Variants in MXRA5 observed in about 807,000 individuals in gnomAD.
The protein encoded by MXRA5 is matrix-remodeling-associated protein 5.
A neutral mutation model predicts 112.5 loss-of-function variants in MXRA5; 41 were observed. The observed-to-expected ratio is 0.36, with a 90% CI of 0.28 to 0.47. The LOEUF (loss-of-function observed/expected upper bound fraction) is 0.47, where lower values mean the gene tolerates loss of function less well. Ranked by LOEUF, MXRA5 falls within the 20% of genes least tolerant of loss-of-function variation. The pLI is 0.99. For missense variants in MXRA5, 2,150 were observed against 2,251.0 expected, an observed-to-expected ratio of 0.96 and a Z score of 0.91; for synonymous variants, 862 against 900.8, an observed-to-expected ratio of 0.96 and a Z score of 0.77.
chrX:3,314,491 T>C (rs778714081), intron 6 of MXRA5, among the ~76,000 whole-genome samples: 1 of 111,763 alleles, frequency 8.9e-6, no homozygotes, highest in East Asian at 2.8e-4. Flanking sequence ...GATAGACAGA[T>C]AGATACGGAT....
chrX:3,341,100 C>T (rs1341515719), intron 2 of MXRA5, among the ~76,000 whole-genome samples: 2,456 of 12,717 alleles, frequency 0.19, no homozygotes, highest in Non-Finnish European at 0.34. Flanking sequence ...ATATGTTATA[C>T]ATAATATAAT....
intron 6 of MXRA5, among the ~76,000 whole-genome samples, chrX:3,316,177 G>T (rs1166750500): frequency 2.2e-5 from 2 of 91,099 alleles, no homozygotes; most frequent in African/African-American, 9.0e-5. Flanking sequence ...AGCCAGGCGT[G>T]GTGGCGGGCG....
chrX:3,322,015 G>C lies in MXRA5; in HGVS notation c.3670C>G (p.Pro1224Ala), dbSNP rs1237721434. Residue 1224 changes from proline to alanine, a missense_variant, in exon 5 of 7, where the codon CCC becomes GCC. Pro to Ala is a conservative substitution (Grantham distance 27). Coordinates refer to ENST00000217939, the MANE Select transcript of MXRA5 (RefSeq NM_015419.4). ...KQLEMEKNAE[P>A]TSKGTPRRKH... ...CTCCGTGGTGTTCCCTTGGATGTGG[G>C]TTCTGCATTCTTCTCCATTTCCAAC... The C allele has an allele frequency of 8.3e-7, 1 of 1,209,504 alleles. No homozygotes were observed. Among genetic ancestry groups the C allele is most frequent in the Non-Finnish European group, 1.1e-6 (1 of 895,158 alleles).
Position 3,322,351 on chromosome X carries a change from G to C in MXRA5, c.3334C>G (p.Pro1112Ala). ...IMSSMSPVKK[P>A]AETTVGTLLD... ...AGGGTACCAACTGTGGTTTCCGCAG[G>C]CTTCTTAACTGGAGACATACTGCTC... The change falls in exon 5 of 7, where the codon CCT becomes GCT. Residue 1112 changes from proline to alanine, a missense_variant. Coordinates refer to ENST00000217939, the MANE Select transcript of MXRA5 (RefSeq NM_015419.4). The C allele has an allele frequency of 8.3e-7, 1 of 1,211,348 alleles. No individual in the cohort carries two copies. Among genetic ancestry groups the C allele is most frequent in the African/African-American group, 1.7e-5 (1 of 57,622 alleles).
chrX:3,339,700 C>T (rs747879266), intron 2 of MXRA5, among the ~76,000 whole-genome samples: 25 of 111,674 alleles, frequency 2.2e-4, no homozygotes, highest in African/African-American at 8.1e-4. Context: ...TCTCAGAACC[C>T]AAGGGTATAC....
chrX:3,326,477 C>G (rs1272677421), intron 4 of MXRA5, among the ~76,000 whole-genome samples: 1 of 101,565 alleles, frequency 9.8e-6, no homozygotes, highest in East Asian at 3.0e-4. Context: ...TATATATAAT[C>G]AATATGTATG....
At position 3,311,525 on chromosome X, in the gene MXRA5, C is replaced by G; in HGVS notation, c.6678G>C (p.Lys2226Asn). The G allele has an allele frequency of 8.3e-7, 1 of 1,211,899 alleles. No individual in the cohort carries two copies. Residue 2226 changes from lysine to asparagine, a missense_variant, in exon 7 of 7, where the codon AAG (lysine) becomes AAC (asparagine). By Grantham distance (94) the Lys-to-Asn change is moderately conservative. Coordinates refer to ENST00000217939, the MANE Select transcript of MXRA5 (RefSeq NM_015419.4). ...AGDYLCVARN[K>N]VGDDYVVLKV... is the part of the protein sequence containing the mutation. Reference sequence around the variant, plus strand: ...TGAGCACCACGTAGTCATCACCAACCTTATTTCGAGCTACGCACAGGTAAT... The same window carrying G: ...TGAGCACCACGTAGTCATCACCAACGTTATTTCGAGCTACGCACAGGTAAT...
chrX:3,319,942 T>C, intron 5 of MXRA5, 66 bp downstream of exon 5: 2 of 851,422 alleles, frequency 2.3e-6, no homozygotes, highest in Non-Finnish European at 3.3e-6. Flanking sequence ...TTTAATGTAT[T>C]ATATTGCTAG....
At position 3,321,471 on chromosome X, in the gene MXRA5, G is replaced by A; in HGVS notation, c.4214C>T (p.Thr1405Ile). Residue 1405 changes from threonine to isoleucine, a missense_variant, in exon 5 of 7, where the codon ACA (threonine) becomes ATA (isoleucine). Coordinates refer to ENST00000217939, the MANE Select transcript of MXRA5 (RefSeq NM_015419.4). ...IPVTTSGENL[T>I]DPPLLKELED... The stretch of plus-strand genomic sequence containing the variant: ...AAGCTCTTTAAGAAGGGGAGGGTCT[G>A]TAAGATTTTCCCCAGAAGTGGTAAC... 8.3e-7 allele frequency: 1 copy of A among 1,211,344 alleles called. No individual in the cohort carries two copies. The highest frequency in any genetic ancestry group is 1.1e-6 in the Non-Finnish European group (1 of 895,168).
chrX:3,330,444 G>A, intron 3 of MXRA5, 36 bp from the exon 4 acceptor site: 1 of 1,156,964 alleles, frequency 8.6e-7, no homozygotes. Context: ...AAAACAAAAG[G>A]ATCCTGTTTA....
chrX:3,329,953 T>A, intron 4 of MXRA5, 65 bp downstream of exon 4: 1 of 1,108,053 alleles, frequency 9.0e-7, no homozygotes, highest in South Asian at 2.2e-5. Flanking sequence ...CCTTGGAGAA[T>A]GGAACGTCTC....
chrX:3,311,394 A>C lies in MXRA5; in HGVS notation c.6809T>G (p.Leu2270Arg). The change falls in exon 7 of 7, where the codon CTT becomes CGT. Residue 2270 changes from leucine (L) to arginine (R), a missense_variant. Leu to Arg is a moderately radical substitution (Grantham distance 102). Transcript: ENST00000217939. ...DLKVDCVATG[L>R]PNPEISWSLP... ...GCTCCAGGAGATCTCGGGATTGGGA[A>C]GCCCGGTGGCCACACAGTCCACTTT... The C allele has an allele frequency of 8.3e-7, 1 of 1,211,903 alleles. No homozygotes were observed. The highest frequency in any genetic ancestry group is 1.1e-6 in the Non-Finnish European group (1 of 895,577).
rs931356909 is a variant in MXRA5 at position 3,335,959 on chromosome X, G to A, written c.189-5186C>T. ...AAACCCCAGGCCACAGAGCAGTACCGGACCAGTTAGGAACCAAGCTGCACA... is the reference window on the plus strand; with the variant it reads ...AAACCCCAGGCCACAGAGCAGTACCAGACCAGTTAGGAACCAAGCTGCACA... On this transcript the variant is annotated intron_variant, in intron 2 of 6. Transcript: ENST00000217939. Among the ~76,000 whole-genome samples, 40 of 112,246 alleles carry A rather than the reference G, an allele frequency of 3.6e-4. 1 individual carries two copies. Among genetic ancestry groups the A allele is most frequent in the Admixed American group, 8.5e-4 (9 of 10,570 alleles).
rs1258052803 is a variant in MXRA5, at chrX:3,322,806, T to C, written c.2879A>G (p.Tyr960Cys). The C allele has an allele frequency of 2.5e-6, 3 of 1,211,781 alleles. No individual in the cohort carries two copies. The South Asian group carries it at 5.3e-5, about 21-fold the overall frequency. The change falls in exon 5 of 7, where the codon TAT (tyrosine) becomes TGT (cysteine). Residue 960 changes from tyrosine to cysteine, a missense_variant. Physicochemically the swap from Tyr to Cys is radical, Grantham distance 194. Around this residue, in one of 6 missense-constraint regions of MXRA5, gnomAD observed 1,485 missense variants for 1,471.6 expected, o/e 1.01. Coordinates refer to ENST00000217939, the MANE Select transcript of MXRA5 (RefSeq NM_015419.4). ...GGAGACAGCATCCAATGGAGGCTCA[T>C]ACTCACTGGATGTGGGCTCTGGTGA... ...GSSPEPTSSE[Y>C]EPPLDAVSLA...
intron 2 of MXRA5, among the ~76,000 whole-genome samples, chrX:3,341,104 A>ATATATATTATG (rs1569188368): frequency 6.3e-5 from 2 of 31,940 alleles, no homozygotes; most frequent in East Asian, 9.6e-4. Flanking sequence ...GTTATACATA[A>ATATATATTATG]TATAATATAA....
At position 3,308,650 on chromosome X, in the gene MXRA5, G is replaced by A. The variant is rs5982694; in HGVS notation, c.*1066C>T. ...AAAGCAGTCATGGAAATAACAGGTCGTGTATTATTCATGGGCACAAACTGA... is the reference window on the plus strand; with the variant it reads ...AAAGCAGTCATGGAAATAACAGGTCATGTATTATTCATGGGCACAAACTGA... On this transcript the variant is annotated 3_prime_UTR_variant, in exon 7 of 7. Coordinates refer to ENST00000217939, the MANE Select transcript of MXRA5 (RefSeq NM_015419.4). 2.7e-5 allele frequency: 3 copies of A among 111,508 alleles called. No individual in the cohort carries two copies. The highest frequency in any genetic ancestry group is 3.8e-5 in the Non-Finnish European group (2 of 53,156). 9.2% of individuals were successfully genotyped at this position (111,508 alleles called of 1,213,427 possible).
rs182326310 is a variant in MXRA5 at position 3,343,821 on chromosome X, C to T, written c.13G>A (p.Ala5Thr). 3.3e-6 allele frequency: 4 copies of T among 1,200,185 alleles called. No homozygotes were observed. In the African/African-American group the frequency reaches 5.3e-5, roughly 16 times the overall value. MPKR[A>T]HWGALSVVLI... ...ACCACGGAGAGGGCCCCCCAGTGCG[C>T]GCGCTTGGGCATCTTGTCGGGGTGC... Residue 5 changes from alanine to threonine, a missense_variant, in exon 2 of 7, where the codon GCG becomes ACG. Ala to Thr is a moderately conservative substitution (Grantham distance 58). Around this residue, in one of 6 missense-constraint regions of MXRA5, gnomAD observed 386 missense variants for 411.0 expected, o/e 0.94. Transcript: ENST00000217939.
At position 3,322,668 on chromosome X, in the gene MXRA5, G is replaced by T; in HGVS notation, c.3017C>A (p.Thr1006Asn). Residue 1006 changes from threonine (T) to asparagine (N), a missense_variant, in exon 5 of 7, where the codon ACC becomes AAC. This residue lies in a region of MXRA5 where 1,485 missense variants were observed against 1,471.6 expected (regional missense o/e 1.01). Transcript: ENST00000217939. ...TGTACTGGAGTCATTAACCCAGATGGTGGGGGTTGGAGTAAGGTGTGCAAA... is the reference window on the plus strand; with the variant it reads ...TGTACTGGAGTCATTAACCCAGATGTTGGGGGTTGGAGTAAGGTGTGCAAA... Reference protein sequence around the residue: ...DTFAHLTPTPTIWVNDSSTSQ... With the variant: ...DTFAHLTPTPNIWVNDSSTSQ... 2 of 1,211,509 alleles carry T rather than the reference G, an allele frequency of 1.7e-6. No homozygotes were observed.
chrX:3,325,564 T>C (rs1260187932), intron 4 of MXRA5, among the ~76,000 whole-genome samples: 6 of 104,756 alleles, frequency 5.7e-5, no homozygotes, highest in African/African-American at 2.0e-4. Flanking sequence ...TATATATCTA[T>C]CATGATATAT....
Sources: gnomAD v4.1 joint callset for allele counts (sites outside exome capture counted in the v4.1 genomes callset) on GRCh38, gnomAD v4.1.1 for gene constraint, gnomAD v4.1.1 regional missense constraint, MANE v1.5 for transcripts, NCBI Gene and HGNC (gene_info 2026-07-23, HGNC 2026-07-21) for gene names.